The following ZBTB7C variants were observed in gnomAD, a reference collection of about 807,000 sequenced individuals.
ZBTB7C encodes zinc finger and BTB domain-containing protein 7C.
A neutral mutation model predicts 25.7 loss-of-function variants in ZBTB7C; 8 were observed. The observed-to-expected ratio is 0.31, with a 90% CI of 0.18 to 0.56. The LOEUF (loss-of-function observed/expected upper bound fraction) is 0.56. Ranked by LOEUF, ZBTB7C falls within the 20% of genes least tolerant of loss-of-function variation. The pLI, the probability that ZBTB7C is intolerant of heterozygous loss-of-function variation, is 0.91. For missense variants in ZBTB7C, 824 were observed against 855.2 expected, an observed-to-expected ratio of 0.96 and a Z score of 0.46; for synonymous variants, 394 against 369.0, an observed-to-expected ratio of 1.07 and a Z score of -0.78.
intron 1 of ZBTB7C, among the ~76,000 whole-genome samples, chr18:48,386,424 C>CGG (rs374937546): frequency 6.6e-6 from 1 of 152,074 alleles, no homozygotes; most frequent in Non-Finnish European, 1.5e-5. Flanking sequence ...AAGTACAGTG[C>CGG]TTACCCTAGA....
chr18:48,113,457 C>T (rs1288717872), intron 3 of ZBTB7C, among the ~76,000 whole-genome samples: 1 of 152,214 alleles, frequency 6.6e-6, no homozygotes, highest in East Asian at 1.9e-4. Context: ...TGGCCTGGAG[C>T]CCCTCCCCTG....
chr18:48,353,660 C>A (rs901143562), intron 1 of ZBTB7C, among the ~76,000 whole-genome samples: 2 of 152,152 alleles, frequency 1.3e-5, no homozygotes, highest in African/African-American at 4.8e-5. Flanking sequence ...GTTCTCAGGG[C>A]CTTTCTGGGG....
chr18:48,040,358 T>A lies in ZBTB7C; in HGVS notation c.750A>T (p.Pro250=). Residue 250 remains proline, a synonymous_variant, in exon 4 of 5, where the codon CCA becomes CCT. Coordinates refer to ENST00000590800, the MANE Select transcript of ZBTB7C (RefSeq NM_001318841.2). ...NIPDRRPSLS[P]FAPDFFPHLW... is the part of the protein sequence containing the mutation. The stretch of plus-strand genomic sequence containing the variant: ...GGTGTGGAAAGAAGTCCGGGGCGAA[T>A]GGAGACAAGGAGGGTCTCCTGTCGG... 1 of 1,610,258 alleles carries A rather than the reference T, an allele frequency of 6.2e-7. No homozygotes were observed.
intron 1 of ZBTB7C, among the ~76,000 whole-genome samples, chr18:48,397,700 A>G (rs905015255): frequency 2.0e-5 from 3 of 152,212 alleles, no homozygotes; most frequent in African/African-American, 7.2e-5. Flanking sequence ...AACTCTAAGC[A>G]CACAGATTCT....
In ZBTB7C at chr18:48,155,391, A is replaced by G. The variant is rs568918536; in HGVS notation, c.-17+30543T>C. On this transcript the variant is annotated intron_variant, in intron 3 of 4. Transcript: ENST00000590800. ...CGCCCAGGCTGGAGTGCAGTGGTGC[A>G]ATCTTGGCTCACTGCAAGCTCCGCC... Among the ~76,000 whole-genome samples the G allele has an allele frequency of 4.4e-3, 590 of 132,818 alleles. 5 individuals carry two copies. The highest frequency in any genetic ancestry group is 0.016 in the African/African-American group (561 of 35,432). The allele number at this position is 132,818 out of a possible 152,430, so 87.1% of individuals were successfully genotyped here.
intron 4 of ZBTB7C, among the ~76,000 whole-genome samples, chr18:48,038,547 C>CTT (rs200367018): frequency 1.4e-4 from 18 of 132,210 alleles, no homozygotes; most frequent in Admixed American, 3.1e-4. Flanking sequence ...GAGGACTCAT[C>CTT]TTTTTTTTTT....
chr18:48,055,533 G>A (rs943799802), intron 3 of ZBTB7C, among the ~76,000 whole-genome samples: 13 of 151,902 alleles, frequency 8.6e-5, no homozygotes, highest in African/African-American at 1.5e-4. Flanking sequence ...GGAGGGCATC[G>A]TGGAAAGCTG....
chr18:48,093,784 G>A (rs201340512), intron 3 of ZBTB7C, among the ~76,000 whole-genome samples: 12 of 152,170 alleles, frequency 7.9e-5, no homozygotes, highest in South Asian at 4.1e-4. Context: ...GGCCAGGCGC[G>A]GTGGCTCACG....
chr18:48,171,782 TG>T (rs1380363202), intron 3 of ZBTB7C, among the ~76,000 whole-genome samples: 3 of 152,228 alleles, frequency 2.0e-5, no homozygotes, highest in Non-Finnish European at 2.9e-5. Context: ...CTACTTTATG[TG>T]GGGCAACAGC....
intron 2 of ZBTB7C, among the ~76,000 whole-genome samples, chr18:48,243,370 T>C (rs2043586517): frequency 1.3e-5 from 2 of 151,362 alleles, no homozygotes; most frequent in Admixed American, 6.6e-5. Flanking sequence ...AGCATTGCTG[T>C]ACAACAGTGA....
At chr18:48,080,344 C>A (rs2037933748) in intron 3 of ZBTB7C, among the ~76,000 whole-genome samples, 1 of 152,200 alleles carries the variant, frequency 6.6e-6, no homozygotes, top group Non-Finnish European at 1.5e-5. Flanking sequence ...TTTGGGTGTT[C>A]ACTTGTACCC....
intron 2 of ZBTB7C, among the ~76,000 whole-genome samples, chr18:48,274,770 C>G (rs2044595664): frequency 6.6e-6 from 1 of 152,244 alleles, no homozygotes; most frequent in African/African-American, 2.4e-5. Context: ...CCCTCTCCCA[C>G]AGTCATTGAA....
At chr18:48,298,697 A>C (rs972008631) in intron 2 of ZBTB7C, among the ~76,000 whole-genome samples, 1 of 152,168 alleles carries the variant, frequency 6.6e-6, no homozygotes, top group Admixed American at 6.5e-5. Context: ...CAGCAGGCTG[A>C]CCCACCGGAG....
At chr18:48,389,234 C>CGTGTG (rs2047832562) in intron 1 of ZBTB7C, among the ~76,000 whole-genome samples, 5 of 55,228 alleles carry the variant, frequency 9.1e-5, no homozygotes, top group African/African-American at 2.3e-4. Flanking sequence ...CTCTCTCTCT[C>CGTGTG]TCGTGTGTGT....
intron 3 of ZBTB7C, among the ~76,000 whole-genome samples, chr18:48,062,320 C>T (rs2144331425): frequency 6.6e-6 from 1 of 152,284 alleles, no homozygotes; most frequent in East Asian, 1.9e-4. Flanking sequence ...CTTCCCTCTC[C>T]CTCTCCCCAG....
intron 1 of ZBTB7C, among the ~76,000 whole-genome samples, chr18:48,344,128 C>T (rs1485306252): frequency 6.6e-6 from 1 of 152,154 alleles, no homozygotes; most frequent in Non-Finnish European, 1.5e-5. Context: ...GGATTGCAGG[C>T]ACACACCTCC....
intron 3 of ZBTB7C, among the ~76,000 whole-genome samples, chr18:48,115,586 T>C (rs2039409666): frequency 6.6e-6 from 1 of 152,134 alleles, no homozygotes; most frequent in Non-Finnish European, 1.5e-5. Flanking sequence ...CACACACACC[T>C]GCATCTTGCT....
At position 48,246,350 on chromosome 18, in the gene ZBTB7C, G is replaced by C. The variant is rs1247969248; in HGVS notation, c.-78-60355C>G. Among the ~76,000 whole-genome samples the C allele has an allele frequency of 2.0e-5, 3 of 151,562 alleles. No individual in the cohort carries two copies. The South Asian group carries it at 6.2e-4, about 32-fold the overall frequency. ...GAGGCTAAGGCAGGAGAATGGCGTGGACCCGGGAGGCGGAGCTTGCAGTGA... is the reference window on the plus strand; with the variant it reads ...GAGGCTAAGGCAGGAGAATGGCGTGCACCCGGGAGGCGGAGCTTGCAGTGA... On this transcript the variant is annotated intron_variant, in intron 2 of 4. Transcript: ENST00000590800.
At chr18:48,307,846 CATAAATAA>C (rs555176274) in intron 2 of ZBTB7C, among the ~76,000 whole-genome samples, 1 of 152,118 alleles carries the variant, frequency 6.6e-6, no homozygotes, top group East Asian at 1.9e-4. Flanking sequence ...AACTCCACCT[CATAAATAA>C]ATAAATAAAT....
Sources: allele counts gnomAD v4.1 joint callset (sites outside exome capture counted in the v4.1 genomes callset), GRCh38; gene constraint gnomAD v4.1.1; transcripts MANE v1.5; gene names NCBI Gene and HGNC (gene_info 2026-07-23, HGNC 2026-07-21).